LARP4: variants seen among roughly 807,000 people sequenced by gnomAD.
LARP4 encodes the protein la-related protein 4.
A neutral mutation model predicts 92.9 loss-of-function variants in LARP4; 29 were observed. The ratio of observed to expected loss-of-function variants is 0.31; its 90% CI spans 0.23 to 0.43. The LOEUF is 0.43. LARP4 is among the 20% of genes least tolerant of loss of function. The pLI, the probability that LARP4 is intolerant of heterozygous loss-of-function variation, is 1.00. For missense variants in LARP4, 732 were observed against 860.0 expected (o/e 0.85, Z 1.86); for synonymous variants, 279 against 284.1 (o/e 0.98, Z 0.18).
At chr12:50,436,868 A>T (rs1330357434) in intron 5 of LARP4, among the ~76,000 whole-genome samples, 1 of 152,216 alleles carries the variant, frequency 6.6e-6, no homozygotes, top group Non-Finnish European at 1.5e-5. Flanking sequence ...ATTACAGAGG[A>T]TTACAAACAT....
chr12:50,425,736 A>G (rs1948609000), intron 1 of LARP4, among the ~76,000 whole-genome samples: 1 of 152,072 alleles, frequency 6.6e-6, no homozygotes, highest in Admixed American at 6.6e-5. Flanking sequence ...TTCACTTCCT[A>G]GATCATTTGT....
chr12:50,470,536 C>T (rs1385377663), intron 13 of LARP4, among the ~76,000 whole-genome samples: 12 of 151,820 alleles, frequency 7.9e-5, no homozygotes, highest in Admixed American at 5.3e-4. Context: ...CAGGTTCAAG[C>T]GATTCTCCTG....
chr12:50,475,446 A>G, intron 15 of LARP4, 80 bp from the exon 16 acceptor site: 2 of 1,228,222 alleles, frequency 1.6e-6, no homozygotes, highest in South Asian at 3.0e-5. Flanking sequence ...TGGTTTTCTT[A>G]TGGTTAACAC....
At chr12:50,404,681 GTTTTTT>G (rs1162590362) in intron 1 of LARP4, among the ~76,000 whole-genome samples, 1 of 67,356 alleles carries the variant, frequency 1.5e-5, no homozygotes. Flanking sequence ...GGTTCAAGCA[GTTTTTT>G]TTTTTTTTTT....
Position 50,426,717 on chromosome 12 carries a change from GTGTGTGTGTGTGTGGT to G in LARP4, c.19-1043_19-1028del, listed in dbSNP as rs1565986887. On this transcript the variant is annotated intron_variant, in intron 1 of 15. Coordinates refer to ENST00000398473, the MANE Select transcript of LARP4 (RefSeq NM_052879.5). Reference sequence around the variant, plus strand: ...TGTGTGTGTGTGTGTGTGTGTGTGTGTGTGTGTGTGTGTGGTTTTTTTTTTTTTTTTTTTCTTTTTT... The same window carrying G: ...TGTGTGTGTGTGTGTGTGTGTGTGTGTTTTTTTTTTTTTTTTTTCTTTTTT... Among the ~76,000 whole-genome samples, 15 of 136,018 alleles carry G rather than the reference GTGTGTGTGTGTGTGGT, an allele frequency of 1.1e-4. No homozygotes were observed. In the East Asian group the frequency reaches 1.9e-3, roughly 17 times the overall value. 89.2% of individuals were successfully genotyped at this position (136,018 alleles called of 152,430 possible).
chr12:50,417,019 A>T (rs1946913502), intron 1 of LARP4, among the ~76,000 whole-genome samples: 1 of 152,068 alleles, frequency 6.6e-6, no homozygotes. Flanking sequence ...TTGAATAGTG[A>T]TTGATTGTTT....
In LARP4 at chr12:50,440,525, C is replaced by T. The variant is rs1281129412; in HGVS notation, c.726C>T (p.Phe242=). 6 of 1,612,570 alleles carry T rather than the reference C, an allele frequency of 3.7e-6. No homozygotes were observed. In the Admixed American group the frequency reaches 1.0e-4, roughly 27 times the overall value. The part of the protein sequence containing the change: ...FAHNSNWYIT[F]QSDTDAQQAF... The stretch of plus-strand genomic sequence containing the variant: ...ACAATAGCAACTGGTATATCACTTT[C>T]CAGTCAGACACAGATGCACAACAGG... Residue 242 remains phenylalanine (F), a synonymous_variant, in exon 7 of 16, where the codon TTC becomes TTT. Coordinates refer to ENST00000398473, the MANE Select transcript of LARP4 (RefSeq NM_052879.5).
chr12:50,420,670 G>A (rs1414908824), intron 1 of LARP4: 1 of 152,134 alleles, frequency 6.6e-6, no homozygotes, highest in African/African-American at 2.4e-5. Flanking sequence ...GTGCCTGAAA[G>A]GGGTTATATG....
chr12:50,422,060 C>T (rs534826111), intron 1 of LARP4, among the ~76,000 whole-genome samples: 3 of 151,654 alleles, frequency 2.0e-5, no homozygotes, highest in South Asian at 2.1e-4. Context: ...ACCTCTGCCT[C>T]CCAGGTTCAA....
intron 13 of LARP4, among the ~76,000 whole-genome samples, chr12:50,472,545 G>A (rs939693708): frequency 1.3e-5 from 2 of 149,912 alleles, no homozygotes; most frequent in East Asian, 1.9e-4. Flanking sequence ...TTTGAGACAC[G>A]GTCTTGCTCT....
intron 8 of LARP4, among the ~76,000 whole-genome samples, chr12:50,451,225 C>A (rs1481478727): frequency 6.6e-6 from 1 of 152,192 alleles, no homozygotes; most frequent in Non-Finnish European, 1.5e-5. Context: ...GTCCCTGCCT[C>A]CCCCTATCCC....
intron 10 of LARP4, among the ~76,000 whole-genome samples, chr12:50,460,325 A>G (rs1955143508): frequency 6.6e-6 from 1 of 152,044 alleles, no homozygotes; most frequent in Non-Finnish European, 1.5e-5. Flanking sequence ...ACAACTTAAA[A>G]TATATGTATA....
At chr12:50,407,389 AGC>A (rs1945054859) in intron 1 of LARP4, among the ~76,000 whole-genome samples, 1 of 152,230 alleles carries the variant, frequency 6.6e-6, no homozygotes, top group South Asian at 2.1e-4. Flanking sequence ...TTTTCATCTC[AGC>A]CTTGTTACTA....
chr12:50,435,987 C>T (rs571535286), intron 5 of LARP4, among the ~76,000 whole-genome samples: 3 of 45,484 alleles, frequency 6.6e-5, no homozygotes, highest in Non-Finnish European at 3.0e-4. Context: ...GTATGTTCCC[C>T]AGGCTGGTCT....
chr12:50,465,819 T>C (rs912839272), intron 12 of LARP4, among the ~76,000 whole-genome samples: 1 of 152,170 alleles, frequency 6.6e-6, no homozygotes, highest in East Asian at 1.9e-4. Flanking sequence ...TACAGAGATA[T>C]ACCGCCATCA....
At chr12:50,462,493 T>C (rs1434168331) in intron 11 of LARP4, 89 bp from the exon 12 acceptor site, 1 of 770,138 alleles carries the variant, frequency 1.3e-6, no homozygotes, top group Admixed American at 2.8e-5. Context: ...AAAAAAAATG[T>C]GTACGGCTTT....
chr12:50,429,010 A>G lies in LARP4; in HGVS notation c.242A>G (p.Asn81Ser), dbSNP rs1181739914. ...TCTTCATCTTGTGAAACCACAAGAA[A>G]TACTACAGGCATTGAAGAATCAACT... Reference protein sequence around the residue: ...MYSSSCETTRNTTGIEESTDG... With the variant: ...MYSSSCETTRSTTGIEESTDG... Residue 81 changes from asparagine (N) to serine (S), a missense_variant, in exon 3 of 16, where the codon AAT becomes AGT. This residue lies in a region of LARP4 where 236 missense variants were observed against 307.6 expected (regional missense o/e 0.77). Coordinates refer to ENST00000398473, the MANE Select transcript of LARP4 (RefSeq NM_052879.5). The G allele has an allele frequency of 4.3e-6, 7 of 1,609,274 alleles. No individual in the cohort carries two copies. The highest frequency in any genetic ancestry group is 4.0e-5 in the African/African-American group (3 of 74,966).
intron 1 of LARP4, among the ~76,000 whole-genome samples, chr12:50,409,803 TTATTA>T (rs1945513553): frequency 2.0e-5 from 3 of 150,844 alleles, no homozygotes; most frequent in Non-Finnish European, 4.4e-5. Flanking sequence ...ATTATTATTA[TTATTA>T]TTTTTTTAAG....
chr12:50,430,660 A>AT (rs969346055), intron 4 of LARP4, 90 bp downstream of exon 4: 9,569 of 603,122 alleles, frequency 0.016, no homozygotes, highest in East Asian at 0.021. Flanking sequence ...TATTTAACTA[A>AT]TTTTTTTTTT....
Sources: allele counts gnomAD v4.1 joint callset (sites outside exome capture counted in the v4.1 genomes callset), GRCh38; gene constraint gnomAD v4.1.1; regional missense constraint gnomAD v4.1.1; transcripts MANE v1.5; gene names NCBI Gene and HGNC (gene_info 2026-07-23, HGNC 2026-07-21).